The following TTC6 variants were observed in gnomAD, a reference collection of about 807,000 sequenced individuals.
TTC6 encodes tetratricopeptide repeat domain 6.
A neutral mutation model predicts 210.4 loss-of-function variants in TTC6; 172 were observed. The ratio of observed to expected loss-of-function variants is 0.82; its 90% CI spans 0.72 to 0.93. TTC6 has a LOEUF of 0.93. Ranked by LOEUF, TTC6 falls within the 40% of genes least tolerant of loss-of-function variation. The pLI is 0.00. For synonymous variants in TTC6, 804 were observed against 819.6 expected (o/e 0.98, Z 0.32); for missense variants, 2,414 against 2,318.1 (o/e 1.04, Z -0.85).
chr14:37,840,929 T>C (rs2096208623), intron 29 of TTC6, among the ~76,000 whole-genome samples: 1 of 150,970 alleles, frequency 6.6e-6, no homozygotes, highest in African/African-American at 2.4e-5. Context: ...AGTGCATTGG[T>C]GTGACCTCCA....
intron 10 of TTC6, among the ~76,000 whole-genome samples, chr14:37,743,467 T>C (rs184209040): frequency 1.3e-5 from 2 of 152,322 alleles, no homozygotes; most frequent in East Asian, 1.9e-4. Context: ...ATGCTCATTG[T>C]AAAAACTTAG....
chr14:37,651,425 A>ATT (rs55775703), intron 1 of TTC6, among the ~76,000 whole-genome samples: 26 of 23,896 alleles, frequency 1.1e-3, no homozygotes, highest in Middle Eastern at 0.05. Flanking sequence ...ATATATATAT[A>ATT]TTTTTTTTTT....
chr14:37,643,959 A>G (rs961892028), intron 1 of TTC6, among the ~76,000 whole-genome samples: 1 of 152,210 alleles, frequency 6.6e-6, no homozygotes, highest in Non-Finnish European at 1.5e-5. Flanking sequence ...TTACGGAATT[A>G]TGGCTTTTTA....
At chr14:37,681,216 C>T (rs1484164828) in intron 2 of TTC6, among the ~76,000 whole-genome samples, 5 of 151,990 alleles carry the variant, frequency 3.3e-5, no homozygotes, top group African/African-American at 1.2e-4. Flanking sequence ...TAGTTGACAC[C>T]GTTTACAAAT....
intron 15 of TTC6, among the ~76,000 whole-genome samples, chr14:37,787,963 C>T (rs2096071837): frequency 6.6e-6 from 1 of 151,016 alleles, no homozygotes; most frequent in Admixed American, 6.6e-5. Context: ...CAAAGAATCT[C>T]TTTCTATAAT....
At chr14:37,821,772 CTTTTTTTTTTTTT>C (rs35078384) in intron 26 of TTC6, among the ~76,000 whole-genome samples, 2 of 69,148 alleles carry the variant, frequency 2.9e-5, no homozygotes, top group Non-Finnish European at 5.2e-5. Flanking sequence ...AAGAGCTAGT[CTTTTTTTTTTTTT>C]TTTTTTTTTT....
intron 1 of TTC6, among the ~76,000 whole-genome samples, chr14:37,630,934 TTTTTTTTTTTTTTG>T (rs2095668689): frequency 8.4e-6 from 1 of 118,714 alleles, no homozygotes; most frequent in African/African-American, 3.3e-5. Context: ...TTTTTTTTTT[TTTTTTTTTTTTTTG>T]CTTTCATTTG....
At chr14:37,622,966 G>T (rs1428791523) in exon 1 of TTC6, 1 of 1,508,652 alleles carries the variant, frequency 6.6e-7, no homozygotes, top group East Asian at 2.5e-5. Context: ...GAGCTCATAC[G>T]GAGCGTCCTT....
chr14:37,627,031 G>T (rs1300379554), intron 1 of TTC6, among the ~76,000 whole-genome samples: 1 of 152,072 alleles, frequency 6.6e-6, no homozygotes, highest in Non-Finnish European at 1.5e-5. Flanking sequence ...CTCATGGCTT[G>T]GTGCTCTCTT....
In TTC6 at chr14:37,703,712, TAA is replaced by T. The variant is rs531558570; in HGVS notation, c.1571+2187_1571+2188del. On this transcript the variant is annotated intron_variant, in intron 5 of 30. Coordinates refer to ENST00000553443, the Ensembl canonical transcript of TTC6. Reference sequence around the variant, plus strand: ...TAATGGAATTGGAAGGGTATATACTTAAGTTTATTTGAACAGCGGTGTAGTGT... The same window carrying T: ...TAATGGAATTGGAAGGGTATATACTTGTTTATTTGAACAGCGGTGTAGTGT... Among the ~76,000 whole-genome samples, 77 of 152,278 alleles carry T rather than the reference TAA, an allele frequency of 5.1e-4. 2 individuals are homozygous for T. In the South Asian group the frequency reaches 0.015, roughly 30 times the overall value.
intron 1 of TTC6, among the ~76,000 whole-genome samples, chr14:37,655,964 G>A (rs952652582): frequency 6.6e-6 from 1 of 151,804 alleles, no homozygotes; most frequent in South Asian, 2.1e-4. Flanking sequence ...ATTGTAAGGT[G>A]TTCATCAATG....
At chr14:37,812,289 C>G (rs2096131224) in intron 24 of TTC6, 25 bp from the exon 27 acceptor site, 2 of 1,603,464 alleles carry the variant, frequency 1.2e-6, no homozygotes, top group Non-Finnish European at 1.7e-6. Context: ...AAAGTTGAAT[C>G]TATGTTACAA....
At chr14:37,835,781 A>G (rs1299045534) in intron 29 of TTC6, among the ~76,000 whole-genome samples, 1 of 152,184 alleles carries the variant, frequency 6.6e-6, no homozygotes, top group Non-Finnish European at 1.5e-5. Context: ...TGAGGTTTGT[A>G]GTTTTAAATT....
At chr14:37,745,496 G>T (rs1342903329) in intron 10 of TTC6, among the ~76,000 whole-genome samples, 1 of 151,990 alleles carries the variant, frequency 6.6e-6, no homozygotes, top group Non-Finnish European at 1.5e-5. Flanking sequence ...TTTCCACTTG[G>T]CCCTTACTAC....
intron 28 of TTC6, among the ~76,000 whole-genome samples, 190 bp from the exon 31 acceptor site, chr14:37,827,006 A>G (rs548330278): frequency 6.6e-6 from 1 of 152,250 alleles, no homozygotes; most frequent in South Asian, 2.1e-4. Context: ...AACCAAATCA[A>G]CAAAGTGTTG....
intron 3 of TTC6, 79 bp downstream of exon 5, chr14:37,683,043 A>G (rs1030765267): frequency 3.6e-5 from 48 of 1,330,054 alleles, no homozygotes; most frequent in Non-Finnish European, 4.7e-5. Flanking sequence ...TGGCCCAGGC[A>G]AGGACCAACG....
rs559383226 is a variant in TTC6, at chr14:37,598,922, C to A, written c.-235+2914C>A. ...TTGGTGTGGAGTGGTTCGAGTTCCT[C>A]CGCGGGCCCCCACCCCCCACCCAGA... On this transcript the variant is annotated intron_variant, in intron 1 of 2. Transcript: ENST00000556845. The surrounding 1 kb of genome is among the most constrained non-coding windows in gnomAD (Gnocchi z 4.9). Among the ~76,000 whole-genome samples the A allele has an allele frequency of 1.3e-5, 2 of 151,542 alleles. No homozygotes were observed. Among genetic ancestry groups the A allele is most frequent in the Non-Finnish European group, 2.9e-5 (2 of 67,828 alleles).
chr14:37,737,791 A>T, intron 9 of TTC6, 57 bp downstream of exon 11: 1 of 952,870 alleles, frequency 1.0e-6, no homozygotes, highest in Non-Finnish European at 1.5e-6. Flanking sequence ...TCCTAGGAAT[A>T]ATAATCACCT....
rs530262849 is a variant in TTC6, at chr14:37,677,545, G to A, written c.940-2606G>A. Among the ~76,000 whole-genome samples the A allele has an allele frequency of 2.0e-5, 3 of 151,992 alleles. No homozygotes were observed. The East Asian group carries it at 5.8e-4, about 29-fold the overall frequency. On this transcript the variant is annotated intron_variant, in intron 1 of 30. Transcript: ENST00000553443. ...TTATTATTCTGACAGTGAACTTGGG[G>A]CAGTGTTCTTTGTGTGTTTCTGCTC...
Sources: allele counts gnomAD v4.1 joint callset (sites outside exome capture counted in the v4.1 genomes callset), GRCh38; gene constraint gnomAD v4.1.1; non-coding constraint Gnocchi (gnomAD v3.1); transcripts MANE v1.5; gene names NCBI Gene and HGNC (gene_info 2026-07-23, HGNC 2026-07-21).